The following ZNF664 variants were observed in gnomAD, a reference collection of about 807,000 sequenced individuals.
The protein encoded by ZNF664 is zinc finger protein 664, also known as zinc finger Organ of Corti 1.
ZNF664 carries 10 observed loss-of-function variants against 18.2 expected under a neutral mutation model. The ratio of observed to expected loss-of-function variants is 0.55; its 90% CI spans 0.34 to 0.93. The LOEUF is 0.93. Among genes scored for constraint, ZNF664 ranks in the 40% least tolerant of loss-of-function variants. The pLI is 0.02. For missense variants in ZNF664, 193 were observed against 319.0 expected (o/e 0.61, Z 3.01); for synonymous variants, 119 against 104.2 (o/e 1.14, Z -0.86).
At chr12:123,993,857 CCTAA>C (rs1353825817) in intron 3 of ZNF664, among the ~76,000 whole-genome samples, 4 of 152,082 alleles carry the variant, frequency 2.6e-5, no homozygotes, top group Non-Finnish European at 4.4e-5. Flanking sequence ...AGGAGGAGTT[CCTAA>C]CTAAGCTGGA....
intron 3 of ZNF664, among the ~76,000 whole-genome samples, chr12:124,009,163 C>A (rs1375118571): frequency 6.6e-6 from 1 of 152,080 alleles, no homozygotes; most frequent in Non-Finnish European, 1.5e-5. Flanking sequence ...TTTGTATTAA[C>A]CTACTTTAAA....
At position 124,012,317 on chromosome 12, in the gene ZNF664, T is replaced by C; in HGVS notation, c.173T>C (p.Val58Ala). 6.2e-7 allele frequency: 1 copy of C among 1,613,490 alleles called. No individual in the cohort carries two copies. ...IHWRDHTGEK[V>A]YKCDDCGKDF... The stretch of plus-strand genomic sequence containing the variant: ...TGGAGAGACCATACAGGAGAGAAGG[T>C]CTATAAATGTGATGATTGTGGTAAG... Residue 58 changes from valine (V) to alanine (A), a missense_variant, in exon 5 of 5, where the codon GTC (valine) becomes GCC (alanine). Physicochemically the swap from Val to Ala is moderately conservative, Grantham distance 64. This residue lies in a region of ZNF664 where 90 missense variants were observed against 118.9 expected (regional missense o/e 0.76). Transcript: ENST00000337815.
intron 2 of ZNF664, among the ~76,000 whole-genome samples, chr12:123,980,932 C>CT (rs978033220): frequency 8.6e-4 from 128 of 148,656 alleles, no homozygotes; most frequent in African/African-American, 2.9e-3. Context: ...GACATGAGCA[C>CT]TTTTTTTTTT....
rs1255665862 is a variant in ZNF664, at chr12:124,012,947, T to G, written c.*17T>G. The G allele has an allele frequency of 1.2e-6, 2 of 1,607,532 alleles. No individual in the cohort carries two copies. The highest frequency in any genetic ancestry group is 2.7e-5 in the African/African-American group (2 of 74,322). Reference sequence around the variant, plus strand: ...GTTATATAAAACGTTTTGCTAAGAGTTTAAAATCTTAAAACCCATAAGTGC... The same window carrying G: ...GTTATATAAAACGTTTTGCTAAGAGGTTAAAATCTTAAAACCCATAAGTGC... On this transcript the variant is annotated 3_prime_UTR_variant, in exon 5 of 5. Transcript: ENST00000337815.
chr12:123,977,048 C>G (rs187686950), intron 2 of ZNF664, among the ~76,000 whole-genome samples: 2 of 152,274 alleles, frequency 1.3e-5, no homozygotes, highest in African/African-American at 4.8e-5. Context: ...CCACTGCACT[C>G]CAGCCTGGGC....
chr12:124,006,718 T>C (rs1016876281), intron 3 of ZNF664, among the ~76,000 whole-genome samples: 1 of 152,114 alleles, frequency 6.6e-6, no homozygotes, highest in African/African-American at 2.4e-5. Context: ...GCACTGTCAT[T>C]TTGTTGTTTG....
intron 2 of ZNF664, among the ~76,000 whole-genome samples, chr12:123,978,199 A>G (rs1393104180): frequency 6.6e-6 from 1 of 152,214 alleles, no homozygotes; most frequent in Non-Finnish European, 1.5e-5. Flanking sequence ...AAAGTGGAAA[A>G]TATTTGTGGC....
intron 3 of ZNF664, among the ~76,000 whole-genome samples, chr12:123,992,933 C>T (rs1956905346): frequency 6.6e-6 from 1 of 152,142 alleles, no homozygotes; most frequent in South Asian, 2.1e-4. Context: ...CTGACCACCT[C>T]CAACCTCTAG....
At chr12:123,980,895 T>A (rs1034981473) in intron 2 of ZNF664, among the ~76,000 whole-genome samples, 16 of 152,340 alleles carry the variant, frequency 1.1e-4, no homozygotes, top group African/African-American at 3.8e-4. Context: ...AAAGTATATC[T>A]GGGACATGAT....
intron 2 of ZNF664, among the ~76,000 whole-genome samples, chr12:123,982,056 G>C (rs888068715): frequency 6.6e-6 from 1 of 152,148 alleles, no homozygotes; most frequent in Non-Finnish European, 1.5e-5. Context: ...GGCATTAGTG[G>C]TCCTTTTGTC....
At chr12:123,974,203 C>T in intron 2 of ZNF664, 183 bp downstream of exon 2, 1 of 420,288 alleles carries the variant, frequency 2.4e-6, no homozygotes, top group Non-Finnish European at 4.0e-6. Context: ...CTCATTTCCC[C>T]CAGAACTCAG....
intron 2 of ZNF664, among the ~76,000 whole-genome samples, chr12:123,982,286 A>G (rs1956774291): frequency 6.6e-6 from 1 of 152,200 alleles, no homozygotes; most frequent in Non-Finnish European, 1.5e-5. Flanking sequence ...TGCCAAGGTA[A>G]CAGAAGTCAT....
intron 2 of ZNF664, among the ~76,000 whole-genome samples, chr12:123,982,964 G>A (rs1956783830): frequency 1.3e-5 from 2 of 152,094 alleles, no homozygotes; most frequent in Non-Finnish European, 2.9e-5. Flanking sequence ...AGACCAGCCT[G>A]GGCAACATGG....
chr12:124,006,658 T>C (rs1156704177), intron 3 of ZNF664, among the ~76,000 whole-genome samples: 1 of 152,162 alleles, frequency 6.6e-6, no homozygotes, highest in Non-Finnish European at 1.5e-5. Flanking sequence ...AGGTGAGGAT[T>C]TGAGGTAGAT....
In ZNF664 at chr12:124,013,023, C is replaced by T. The variant is rs374781054; in HGVS notation, c.*93C>T. The T allele has an allele frequency of 4.8e-5, 68 of 1,413,224 alleles. No individual in the cohort carries two copies. In the Admixed American group the frequency reaches 7.4e-4, roughly 15 times the overall value. The allele number at this position is 1,413,224 out of a possible 1,614,324, so 87.5% of individuals were successfully genotyped here. On this transcript the variant is annotated 3_prime_UTR_variant, in exon 5 of 5. Coordinates refer to ENST00000337815, the MANE Select transcript of ZNF664 (RefSeq NM_152437.3). ...CCTACATTGACCCAAGAAATATTTA[C>T]GCAATCCCTAGCAGAACATTGTTTC...
chr12:124,011,290 G>A (rs1957133743), intron 3 of ZNF664, 91 bp from the exon 4 acceptor site: 1 of 970,454 alleles, frequency 1.0e-6, no homozygotes, highest in Non-Finnish European at 1.2e-6. Context: ...TCCCCTTGAT[G>A]TTGCTCAGAT....
intron 2 of ZNF664, among the ~76,000 whole-genome samples, chr12:123,987,277 C>G (rs1441957324): frequency 6.6e-6 from 1 of 152,142 alleles, no homozygotes; most frequent in Non-Finnish European, 1.5e-5. Flanking sequence ...ACCTAAGTTC[C>G]TTAATATATC....
chr12:124,011,634 C>T lies in ZNF664; in HGVS notation c.-511C>T. On this transcript the variant is annotated 5_prime_UTR_variant, in exon 5 of 5. Coordinates refer to ENST00000337815, the MANE Select transcript of ZNF664 (RefSeq NM_152437.3). Reference sequence around the variant, plus strand: ...GGAGCCTGCTTGCTGGAAAGGCTTTCCTGTCTGATGTGCAGGAGGCAGAAT... The same window carrying T: ...GGAGCCTGCTTGCTGGAAAGGCTTTTCTGTCTGATGTGCAGGAGGCAGAAT... 1 of 1,005,970 alleles carries T rather than the reference C, an allele frequency of 9.9e-7. No homozygotes were observed. The highest frequency in any genetic ancestry group is 1.2e-6 in the Non-Finnish European group (1 of 846,150). 62.3% of individuals were successfully genotyped at this position (1,005,970 alleles called of 1,614,324 possible).
chr12:123,998,064 G>A (rs1417708573), intron 3 of ZNF664, among the ~76,000 whole-genome samples: 1 of 152,158 alleles, frequency 6.6e-6, no homozygotes, highest in African/African-American at 2.4e-5. Context: ...AACATTTGCA[G>A]GAGGGCTTCT....
Sources: gnomAD v4.1 joint callset for allele counts (sites outside exome capture counted in the v4.1 genomes callset) on GRCh38, gnomAD v4.1.1 for gene constraint, gnomAD v4.1.1 regional missense constraint, MANE v1.5 for transcripts, NCBI Gene and HGNC (gene_info 2026-07-23, HGNC 2026-07-21) for gene names.